GABRG2: variants seen among roughly 807,000 people sequenced by gnomAD.
GABRG2 encodes gamma-aminobutyric acid type A receptor subunit gamma2.
In GABRG2, 16 loss-of-function variants were observed where a neutral mutation model predicts 56.4. The ratio of observed to expected loss-of-function variants is 0.28; its 90% CI spans 0.19 to 0.43. GABRG2 has a LOEUF of 0.43. Among genes scored for constraint, GABRG2 ranks in the 20% least tolerant of loss-of-function variants. The pLI, the probability that GABRG2 is intolerant of heterozygous loss-of-function variation, is 1.00. For missense variants in GABRG2, 327 were observed against 582.7 expected, an observed-to-expected ratio of 0.56 and a Z score of 4.52; for synonymous variants, 208 against 205.5, an observed-to-expected ratio of 1.01 and a Z score of -0.10.
At chr5:162,125,160 C>T (rs1763245122) in intron 6 of GABRG2, among the ~76,000 whole-genome samples, 1 of 151,720 alleles carries the variant, frequency 6.6e-6, no homozygotes, top group African/African-American at 2.4e-5. Flanking sequence ...CAGAAACTTT[C>T]ACTTTCTGGT....
intron 6 of GABRG2, among the ~76,000 whole-genome samples, chr5:162,141,938 T>A (rs995664210): frequency 1.3e-5 from 2 of 152,140 alleles, no homozygotes; most frequent in African/African-American, 4.8e-5. Flanking sequence ...CTAAAAATGT[T>A]TCCTTCCATC....
chr5:162,133,567 T>C (rs578107809), intron 6 of GABRG2, among the ~76,000 whole-genome samples: 2 of 152,266 alleles, frequency 1.3e-5, no homozygotes, highest in Admixed American at 1.3e-4. Context: ...TTTGTAGCTG[T>C]AGTTTTAGAT....
intron 1 of GABRG2, among the ~76,000 whole-genome samples, chr5:162,092,006 C>T (rs756487343): frequency 1.3e-4 from 20 of 152,058 alleles, no homozygotes; most frequent in Non-Finnish European, 2.4e-4. Context: ...ACGAACCTAC[C>T]ATATCCTTTT....
At chr5:162,110,457 G>A (rs1361201899) in intron 6 of GABRG2, among the ~76,000 whole-genome samples, 1 of 152,044 alleles carries the variant, frequency 6.6e-6, no homozygotes, top group Non-Finnish European at 1.5e-5. Flanking sequence ...AATGCTTCCT[G>A]AAATAGAGAA....
intron 7 of GABRG2, among the ~76,000 whole-genome samples, chr5:162,146,990 T>A (rs992573565): frequency 6.6e-6 from 1 of 152,216 alleles, no homozygotes; most frequent in Non-Finnish European, 1.5e-5. Context: ...TTGAACTGAT[T>A]AGGGAGACAA....
chr5:162,076,517 A>G (rs1561635436), intron 1 of GABRG2, among the ~76,000 whole-genome samples: 2 of 152,212 alleles, frequency 1.3e-5, no homozygotes, highest in Non-Finnish European at 2.9e-5. Flanking sequence ...ACAATGTGAA[A>G]TAGCTTCTAT....
intron 7 of GABRG2, 196 bp downstream of exon 7, chr5:162,142,512 A>G (rs969281487): frequency 1.1e-5 from 6 of 560,554 alleles, no homozygotes; most frequent in South Asian, 7.5e-5. Flanking sequence ...ATGTCCATCA[A>G]TGATAGACTG....
At chr5:162,106,817 G>GT (rs748158612) in intron 6 of GABRG2, among the ~76,000 whole-genome samples, 102 of 149,736 alleles carry the variant, frequency 6.8e-4, no homozygotes, top group Non-Finnish European at 1.3e-3. Context: ...ATTCATGTGG[G>GT]TTTTTTTCTT....
chr5:162,101,775 A>G (rs1761437203), intron 5 of GABRG2: 2 of 164,756 alleles, frequency 1.2e-5, no homozygotes, highest in South Asian at 3.0e-4. Flanking sequence ...CTTGACACAC[A>G]TAAGATCAAA....
chr5:162,119,395 C>T (rs2113471940), intron 6 of GABRG2, among the ~76,000 whole-genome samples: 1 of 152,228 alleles, frequency 6.6e-6, no homozygotes, highest in Non-Finnish European at 1.5e-5. Flanking sequence ...TAATTATTAA[C>T]ATATTTTATT....
At chr5:162,076,050 G>A (rs1220858180) in intron 1 of GABRG2, among the ~76,000 whole-genome samples, 2 of 152,032 alleles carry the variant, frequency 1.3e-5, no homozygotes, top group African/African-American at 4.8e-5. Context: ...TTCTTGGGAG[G>A]CTAATTCAGG....
intron 3 of GABRG2, 49 bp from the exon 4 acceptor site, chr5:162,097,589 G>C: frequency 7.5e-7 from 1 of 1,339,082 alleles, no homozygotes; most frequent in Non-Finnish European, 1.1e-6. Context: ...TATTTAAAAA[G>C]ATAATCTTAC....
At chr5:162,126,068 T>A (rs577906487) in intron 6 of GABRG2, among the ~76,000 whole-genome samples, 1 of 152,056 alleles carries the variant, frequency 6.6e-6, no homozygotes, top group Non-Finnish European at 1.5e-5. Flanking sequence ...TTAAGAAACT[T>A]AGAAGACAGA....
At chr5:162,118,192 A>G (rs1164988829) in intron 6 of GABRG2, among the ~76,000 whole-genome samples, 3 of 143,158 alleles carry the variant, frequency 2.1e-5, no homozygotes, top group African/African-American at 7.8e-5. Context: ...TGCTGTTCAT[A>G]GAGGTTCTGA....
chr5:162,077,944 G>A (rs116551283), intron 1 of GABRG2, among the ~76,000 whole-genome samples: 2,254 of 152,082 alleles, frequency 0.015, 32 homozygotes, highest in Non-Finnish European at 0.022. Context: ...AGGGAGGAAG[G>A]GAGTGGGAGA....
intron 7 of GABRG2, among the ~76,000 whole-genome samples, chr5:162,147,637 T>G (rs569575248): frequency 2.0e-5 from 3 of 152,126 alleles, no homozygotes; most frequent in Non-Finnish European, 4.4e-5. Flanking sequence ...GTACTGGGAT[T>G]TCAGGTGTGA....
intron 9 of GABRG2, chr5:162,152,844 C>A (rs1765469472): frequency 1.7e-6 from 1 of 596,932 alleles, no homozygotes; most frequent in Non-Finnish European, 3.0e-6. Flanking sequence ...TTTTGGTGTT[C>A]AATCTCCTTG....
At chr5:162,127,282 T>C (rs1036290991) in intron 6 of GABRG2, among the ~76,000 whole-genome samples, 45 of 151,956 alleles carry the variant, frequency 3.0e-4, no homozygotes, top group African/African-American at 1.1e-3. Flanking sequence ...TGCCTGTACT[T>C]TAGATATTTG....
At chr5:162,075,612 G>A (rs114370934) in intron 1 of GABRG2, among the ~76,000 whole-genome samples, 3 of 151,852 alleles carry the variant, frequency 2.0e-5, no homozygotes, top group African/African-American at 4.8e-5. Context: ...AGCCTCTAAC[G>A]GATGTTCAAT....
Sources: allele counts gnomAD v4.1 joint callset (sites outside exome capture counted in the v4.1 genomes callset), GRCh38; gene constraint gnomAD v4.1.1; transcripts MANE v1.5; gene names NCBI Gene and HGNC (gene_info 2026-07-23, HGNC 2026-07-21).